MAP3K19: variants seen among roughly 807,000 people sequenced by gnomAD.
MAP3K19 encodes the protein SPS1/STE20-related protein kinase YSK4.
A neutral mutation model predicts 114.4 loss-of-function variants in MAP3K19; 91 were observed. The ratio of observed to expected loss-of-function variants is 0.80; its 90% CI spans 0.67 to 0.95. The LOEUF (loss-of-function observed/expected upper bound fraction) is 0.95. Ranked by LOEUF, MAP3K19 falls within the 40% of genes least tolerant of loss-of-function variation. The pLI, the probability that MAP3K19 is intolerant of heterozygous loss-of-function variation, is 0.00. For missense variants in MAP3K19, 1,471 were observed against 1,573.2 expected, an observed-to-expected ratio of 0.94 and a Z score of 1.10; for synonymous variants, 518 against 530.5, an observed-to-expected ratio of 0.98 and a Z score of 0.32.
Position 134,964,920 on chromosome 2 carries a change from A to G in MAP3K19, c.3921-4T>C, listed in dbSNP as rs1166221694. ...AGAAGGTCGCTCATGCTGGTCCCTA[A>G]GAAGGGAAAAACACATTAGAAGCAG... On this transcript the variant is annotated splice_region_variant and splice_polypyrimidine_tract_variant and intron_variant, in intron 12 of 12. Transcript: ENST00000392915. The G allele has an allele frequency of 4.3e-6, 7 of 1,611,176 alleles. No homozygotes were observed. Among genetic ancestry groups the G allele is most frequent in the Non-Finnish European group, 5.9e-6 (7 of 1,178,198 alleles).
intron 8 of MAP3K19, among the ~76,000 whole-genome samples, chr2:134,998,259 TG>T (rs1399354726): frequency 6.6e-6 from 1 of 152,128 alleles, no homozygotes; most frequent in Non-Finnish European, 1.5e-5. Context: ...ATCCACAGCG[TG>T]GGCCCCCAAG....
chr2:135,044,185 C>T (rs773495598), intron 1 of MAP3K19, among the ~76,000 whole-genome samples: 1 of 152,144 alleles, frequency 6.6e-6, no homozygotes, highest in Non-Finnish European at 1.5e-5. Context: ...TTCCAAATAA[C>T]ACCATCAGAA....
chr2:135,020,411 C>T (rs1687887251), intron 5 of MAP3K19, among the ~76,000 whole-genome samples: 2 of 152,154 alleles, frequency 1.3e-5, no homozygotes, highest in Admixed American at 1.3e-4. Flanking sequence ...CCTGAAACTC[C>T]TGGGCTCAAG....
Position 134,987,453 on chromosome 2 carries a change from T to A in MAP3K19, c.1419A>T (p.Arg473Ser). 6.2e-7 allele frequency: 1 copy of A among 1,614,198 alleles called. No individual in the cohort carries two copies. The highest frequency in any genetic ancestry group is 8.5e-7 in the Non-Finnish European group (1 of 1,180,040). The change falls in exon 10 of 13, where the codon AGA becomes AGT. Residue 473 changes from arginine to serine, a missense_variant. Physicochemically the swap from Arg to Ser is moderately radical, Grantham distance 110. Transcript: ENST00000392915. ...CCATCCTACTCATTTCTGGTTTGGCTCTTTCTGCTATTGATATTTTTATGT... is the reference window on the plus strand; with the variant it reads ...CCATCCTACTCATTTCTGGTTTGGCACTTTCTGCTATTGATATTTTTATGT... ...ETNIKISIAE[R>S]AKPEMSRMVP...
rs1487010727 is a variant in MAP3K19 at position 134,964,676 on chromosome 2, A to T, written c.*174T>A. On this transcript the variant is annotated 3_prime_UTR_variant, in exon 13 of 13. Coordinates refer to ENST00000392915, the MANE Select transcript of MAP3K19 (RefSeq NM_025052.5). Reference sequence around the variant, plus strand: ...GATACTATGAGTAATAATGTCTGACACTTGAGGAGGCTAATATGTAACTGC... The same window carrying T: ...GATACTATGAGTAATAATGTCTGACTCTTGAGGAGGCTAATATGTAACTGC... 6.3e-6 allele frequency: 3 copies of T among 472,800 alleles called. No individual in the cohort carries two copies. Among genetic ancestry groups the T allele is most frequent in the African/African-American group, 5.8e-5 (3 of 51,298 alleles). The allele number at this position is 472,800 out of a possible 1,614,324, so 29.3% of individuals were successfully genotyped here. A position where few individuals can be genotyped will look rare whatever the true frequency, so the allele number is the denominator to read the frequency against.
intron 5 of MAP3K19, among the ~76,000 whole-genome samples, chr2:135,010,338 G>A (rs1687137139): frequency 6.6e-6 from 1 of 152,152 alleles, no homozygotes; most frequent in African/African-American, 2.4e-5. Context: ...AACAGAAACA[G>A]CTCAGAATTT....
At chr2:134,977,445 C>T (rs1337999238) in intron 12 of MAP3K19, among the ~76,000 whole-genome samples, 1 of 140,788 alleles carries the variant, frequency 7.1e-6, no homozygotes, top group Non-Finnish European at 1.5e-5. Flanking sequence ...TCACTGCAAG[C>T]TCTGCCTCCC....
chr2:135,028,612 T>A (rs1193098388), intron 3 of MAP3K19, among the ~76,000 whole-genome samples: 1 of 151,824 alleles, frequency 6.6e-6, no homozygotes, highest in Non-Finnish European at 1.5e-5. Flanking sequence ...ATTTACATAG[T>A]CAAATGGAGG....
chr2:135,039,327 A>C (rs1195567153), intron 2 of MAP3K19, among the ~76,000 whole-genome samples: 1 of 152,062 alleles, frequency 6.6e-6, no homozygotes, highest in Non-Finnish European at 1.5e-5. Flanking sequence ...CCATGCCTGG[A>C]ATACCAGCAC....
At chr2:134,993,565 T>G (rs551790601) in intron 8 of MAP3K19, among the ~76,000 whole-genome samples, 1 of 152,330 alleles carries the variant, frequency 6.6e-6, no homozygotes, top group South Asian at 2.1e-4. Flanking sequence ...GGTTTTCTAT[T>G]GAAAAGATGT....
intron 4 of MAP3K19, among the ~76,000 whole-genome samples, chr2:135,023,051 CCT>C (rs1183062217): frequency 7.9e-5 from 12 of 152,248 alleles, no homozygotes; most frequent in African/African-American, 2.6e-4. Context: ...AAAAACTCCC[CCT>C]CTTTCAGTGG....
Position 134,981,303 on chromosome 2 carries a change from G to A in MAP3K19, c.3438C>T (p.Gly1146=), listed in dbSNP as rs1684640122. The change falls in exon 12 of 13, where the codon GGC becomes GGT. Residue 1146 remains glycine, a synonymous_variant. Transcript: ENST00000392915. Reference sequence around the variant, plus strand: ...AACGGTTTATAATACTAGAGATTGAGCCACCAGGAACAAACTCCATGAAAA... The same window carrying A: ...AACGGTTTATAATACTAGAGATTGAACCACCAGGAACAAACTCCATGAAAA... The part of the protein sequence containing the change: ...VSIFMEFVPG[G]SISSIINRFG... The A allele has an allele frequency of 1.2e-6, 2 of 1,614,226 alleles. No homozygotes were observed. The highest frequency in any genetic ancestry group is 8.5e-7 in the Non-Finnish European group (1 of 1,180,048).
intron 12 of MAP3K19, among the ~76,000 whole-genome samples, chr2:134,968,491 G>GC (rs1683573460): frequency 6.9e-6 from 1 of 144,442 alleles, no homozygotes. Context: ...GCGGGGGGCT[G>GC]ACCCCCCACC....
chr2:134,986,347 T>C lies in MAP3K19; in HGVS notation c.2525A>G (p.Glu842Gly). ...TSLRDLQELEELHHQIPFIPS... is the reference protein window; with the variant it reads ...TSLRDLQELEGLHHQIPFIPS... The stretch of plus-strand genomic sequence containing the variant: ...GATAAATGGGATCTGGTGATGTAGC[T>C]CTTCAAGTTCTTGCAGATCTCTGAG... The change falls in exon 10 of 13, where the codon GAG becomes GGG. Residue 842 changes from glutamate to glycine, a missense_variant. Coordinates refer to ENST00000392915, the MANE Select transcript of MAP3K19 (RefSeq NM_025052.5). The C allele has an allele frequency of 1.2e-6, 2 of 1,613,662 alleles. No homozygotes were observed. Among genetic ancestry groups the C allele is most frequent in the Non-Finnish European group, 1.7e-6 (2 of 1,179,868 alleles).
intron 12 of MAP3K19, among the ~76,000 whole-genome samples, chr2:134,977,178 C>T (rs928951873): frequency 6.0e-5 from 9 of 150,596 alleles, no homozygotes; most frequent in African/African-American, 2.2e-4. Flanking sequence ...CACCGCTCCC[C>T]CACCCACTTT....
chr2:134,993,798 A>T (rs911843125), intron 8 of MAP3K19, among the ~76,000 whole-genome samples: 2 of 152,188 alleles, frequency 1.3e-5, no homozygotes, highest in African/African-American at 2.4e-5. Context: ...AAAGCCTTTT[A>T]AAAATGTGTA....
chr2:135,014,085 G>A (rs1041434641), intron 5 of MAP3K19, among the ~76,000 whole-genome samples: 140 of 152,258 alleles, frequency 9.2e-4, no homozygotes, highest in African/African-American at 3.2e-3. Flanking sequence ...CGGGCCAGTG[G>A]TTCACATCTG....
At chr2:134,997,715 A>G (rs1411977969) in intron 8 of MAP3K19, among the ~76,000 whole-genome samples, 1 of 151,540 alleles carries the variant, frequency 6.6e-6, no homozygotes, top group Non-Finnish European at 1.5e-5. Context: ...GCTACTTGGG[A>G]GGCTGAGGCA....
chr2:134,992,938 CA>C (rs1685693567), intron 8 of MAP3K19, among the ~76,000 whole-genome samples: 1 of 152,198 alleles, frequency 6.6e-6, no homozygotes, highest in African/African-American at 2.4e-5. Flanking sequence ...CTCGGCCTCC[CA>C]AAGTGCTGGG....
Sources: allele counts gnomAD v4.1 joint callset (sites outside exome capture counted in the v4.1 genomes callset), GRCh38; gene constraint gnomAD v4.1.1; transcripts MANE v1.5; gene names NCBI Gene and HGNC (gene_info 2026-07-23, HGNC 2026-07-21).